The following RAB37 variants were observed in gnomAD, a reference collection of about 807,000 sequenced individuals.
The protein encoded by RAB37 is ras-related protein Rab-37.
RAB37 carries 29 observed loss-of-function variants against 33.1 expected under a neutral mutation model. The observed-to-expected ratio is 0.88, with a 90% CI of 0.65 to 1.20. RAB37 has a LOEUF of 1.20. RAB37 is among the 50% of genes most tolerant of loss of function. The pLI is 0.00. For synonymous variants in RAB37, 128 were observed against 119.5 expected (o/e 1.07, Z -0.47); for missense variants, 299 against 301.1 (o/e 0.99, Z 0.05).
intron 1 of RAB37, among the ~76,000 whole-genome samples, chr17:74,706,807 G>A (rs1394467832): frequency 6.6e-6 from 1 of 152,216 alleles, no homozygotes; most frequent in Non-Finnish European, 1.5e-5. Context: ...GGGTATCCAT[G>A]CGAAGGCACA....
chr17:74,676,296 G>A lies in RAB37; in HGVS notation c.72+4638G>A, dbSNP rs1389057496. Among the ~76,000 whole-genome samples, 1 of 152,092 alleles carries A rather than the reference G, an allele frequency of 6.6e-6. No individual in the cohort carries two copies. Among genetic ancestry groups the A allele is most frequent in the Non-Finnish European group, 1.5e-5 (1 of 68,018 alleles). ...CACATACCAGACTAGCTTCCAGAGG[G>A]ACGAACAATTCCTAGGACAAAGTCA... On this transcript the variant is annotated intron_variant, in intron 1 of 7. Coordinates refer to the RAB37 transcript ENST00000340415. This position sits in a 1 kb window ranked among gnomAD's most constrained non-coding sequence, Gnocchi z 4.1.
At chr17:74,697,723 G>A (rs527776547) in intron 1 of RAB37, among the ~76,000 whole-genome samples, 20 of 152,268 alleles carry the variant, frequency 1.3e-4, no homozygotes, top group East Asian at 5.8e-4. Context: ...AGACTCCTGC[G>A]CCAAGAGGCT....
In RAB37 at chr17:74,704,327, C is replaced by T. The variant is rs1356524496; in HGVS notation, c.73-24929C>T. On this transcript the variant is annotated intron_variant, in intron 1 of 7. Transcript: ENST00000340415. ...GGGGGCATTGAAGAGAGGCCCTGCT[C>T]CCCCAGTCCCAGGTGGTCAGTCAGG... The T allele has an allele frequency of 4.7e-6, 3 of 632,552 alleles. No individual in the cohort carries two copies. The South Asian group carries it at 5.9e-5, about 12-fold the overall frequency. 39.2% of individuals were successfully genotyped at this position (632,552 alleles called of 1,614,324 possible).
chr17:74,737,277 C>T lies in RAB37; in HGVS notation c.5C>T (p.Thr2Met), dbSNP rs1457709398. 3.2e-6 allele frequency: 5 copies of T among 1,565,018 alleles called. No individual in the cohort carries two copies. Among genetic ancestry groups the T allele is most frequent in the East Asian group, 2.3e-5 (1 of 43,536 alleles). ...GCTCACCTCTCGTCCAGGGACATGACGGGCACGCCAGGCGCCGTTGCCACC... is the reference window on the plus strand; with the variant it reads ...GCTCACCTCTCGTCCAGGGACATGATGGGCACGCCAGGCGCCGTTGCCACC... Reference protein sequence around the residue: MTGTPGAVATRD... With the variant: MMGTPGAVATRD... Residue 2 changes from threonine (T) to methionine (M), a missense_variant, in exon 1 of 9, where the codon ACG becomes ATG. By Grantham distance (81) the Thr-to-Met change is moderately conservative. Transcript: ENST00000392613.
In RAB37 at chr17:74,713,044, G is replaced by T. The variant is rs147198749; in HGVS notation, c.73-16212G>T. ...GTGGTTGGTTGGGCACCGTGGCTCAGGCCTGTAATCCTGGCACTTTGGGAG... is the reference window on the plus strand; with the variant it reads ...GTGGTTGGTTGGGCACCGTGGCTCATGCCTGTAATCCTGGCACTTTGGGAG... On this transcript the variant is annotated intron_variant, in intron 1 of 7. Transcript: ENST00000340415. 231 of 627,506 alleles carry T rather than the reference G, an allele frequency of 3.7e-4. 1 individual carries two copies. The African/African-American group carries it at 3.8e-3, about 10-fold the overall frequency. The allele number at this position is 627,506 out of a possible 1,614,324, so 38.9% of individuals were successfully genotyped here. A position where few individuals can be genotyped will look rare whatever the true frequency, so the allele number is the denominator to read the frequency against.
At chr17:74,675,481 A>C (rs16978165) in intron 1 of RAB37, among the ~76,000 whole-genome samples, 8,658 of 152,162 alleles carry the variant, frequency 0.057, 281 homozygotes, top group South Asian at 0.084. Context: ...TTGGGCTCCA[A>C]AGCAGCTTCA....
chr17:74,722,332 T>C (rs1770764385), intron 1 of RAB37, among the ~76,000 whole-genome samples: 1 of 150,974 alleles, frequency 6.6e-6, no homozygotes, highest in Admixed American at 6.6e-5. Flanking sequence ...AGAAATTGGC[T>C]TACATGACTG....
At chr17:74,705,589 CT>C (rs1022549166) in intron 1 of RAB37, among the ~76,000 whole-genome samples, 1 of 151,122 alleles carries the variant, frequency 6.6e-6, no homozygotes, top group African/African-American at 2.4e-5. Flanking sequence ...TTCTTTTTCT[CT>C]TTTTTTCTTT....
chr17:74,743,561 C>T (rs916500609), intron 5 of RAB37, among the ~76,000 whole-genome samples: 4 of 152,236 alleles, frequency 2.6e-5, no homozygotes, highest in African/African-American at 7.2e-5. Flanking sequence ...GTGCCACCTG[C>T]ATAGCCCTCA....
intron 1 of RAB37, among the ~76,000 whole-genome samples, chr17:74,721,855 TG>T (rs1398500887): frequency 3.3e-5 from 5 of 152,136 alleles, no homozygotes; most frequent in Admixed American, 6.5e-5. Flanking sequence ...CCACTAATAG[TG>T]TATGTATGAG....
At chr17:74,677,402 T>C (rs1449521413) in intron 1 of RAB37, 1 of 152,204 alleles carries the variant, frequency 6.6e-6, no homozygotes, top group East Asian at 1.9e-4. Flanking sequence ...TTCTTTTATT[T>C]TTTTTTCGAT....
intron 1 of RAB37, among the ~76,000 whole-genome samples, chr17:74,673,475 T>G (rs1433716360): frequency 1.3e-5 from 2 of 150,924 alleles, no homozygotes; most frequent in Non-Finnish European, 2.9e-5. Context: ...TACAAAATTT[T>G]CCTGGCAACT....
Position 74,729,184 on chromosome 17 carries a change from C to A in RAB37, c.73-72C>A. The A allele has an allele frequency of 9.6e-7, 1 of 1,042,050 alleles. No homozygotes were observed. Among genetic ancestry groups the A allele is most frequent in the Non-Finnish European group, 1.5e-6 (1 of 658,564 alleles). 64.6% of individuals were successfully genotyped at this position (1,042,050 alleles called of 1,614,324 possible). On this transcript the variant is annotated intron_variant, in intron 1 of 7. Transcript: ENST00000340415. This position sits in a 1 kb window ranked among gnomAD's most constrained non-coding sequence, Gnocchi z 4.2. Reference sequence around the variant, plus strand: ...CGTGCTTAGAAAGAATCCACTCCCACAGCCACAAGGACACCTCTGAGGCCA... The same window carrying A: ...CGTGCTTAGAAAGAATCCACTCCCAAAGCCACAAGGACACCTCTGAGGCCA...
rs1160533812 is a variant in RAB37, at chr17:74,744,923, G to T, written c.483G>T (p.Leu161Phe). 6.2e-7 allele frequency: 1 copy of T among 1,614,288 alleles called. No homozygotes were observed. The highest frequency in any genetic ancestry group is 8.5e-7 in the Non-Finnish European group (1 of 1,180,046). ...TCCGTTCCGAAGACGGAGAGACCTT[G>T]GCCAGGGTAAGTGATTGTCTGTGGG... ...RVIRSEDGET[L>F]AREYGVPFLE... Residue 161 changes from leucine (L) to phenylalanine (F), a missense_variant, in exon 7 of 9, where the codon TTG (leucine) becomes TTT (phenylalanine). Transcript: ENST00000392613. The surrounding 1 kb of genome is among the most constrained non-coding windows in gnomAD (Gnocchi z 4.2).
chr17:74,709,065 A>C (rs946289588), intron 1 of RAB37, among the ~76,000 whole-genome samples: 3 of 151,174 alleles, frequency 2.0e-5, no homozygotes, highest in African/African-American at 7.3e-5. Flanking sequence ...TCTACTAAAA[A>C]TTCAAAAAAT....
rs184666451 is a variant in RAB37, at chr17:74,730,020, C to T, written c.183+654C>T. Reference sequence around the variant, plus strand: ...TCGGGTTAAGGAAGCCCAGTGCCCTCGGCTTTTTCTGCCCGCAGCCCCTCT... The same window carrying T: ...TCGGGTTAAGGAAGCCCAGTGCCCTTGGCTTTTTCTGCCCGCAGCCCCTCT... On this transcript the variant is annotated intron_variant, in intron 2 of 7. Transcript: ENST00000340415. The surrounding 1 kb of genome is among the most constrained non-coding windows in gnomAD (Gnocchi z 4.4). Among the ~76,000 whole-genome samples, 6 of 152,266 alleles carry T rather than the reference C, an allele frequency of 3.9e-5. No individual in the cohort carries two copies. The highest frequency in any genetic ancestry group is 4.1e-4 in the South Asian group (2 of 4,822).
At chr17:74,715,299 G>C (rs1484317463) in intron 1 of RAB37, among the ~76,000 whole-genome samples, 5 of 152,298 alleles carry the variant, frequency 3.3e-5, no homozygotes, top group Non-Finnish European at 5.9e-5. Context: ...TGTGCAGAGG[G>C]TTATTTGCAC....
At position 74,723,173 on chromosome 17, in the gene RAB37, T is replaced by C. The variant is rs183841170; in HGVS notation, c.73-6083T>C. 7.2e-5 allele frequency among the ~76,000 whole-genome samples: 11 copies of C among 152,294 alleles called. No individual in the cohort carries two copies. In the East Asian group the frequency reaches 9.6e-4, roughly 13 times the overall value. On this transcript the variant is annotated intron_variant, in intron 1 of 7. Coordinates refer to the RAB37 transcript ENST00000340415. ...ATCCACTTAACAGATTATAGCAGTG[T>C]ATAACAGGAGAAAATACTCGATGGA...
In RAB37 at chr17:74,744,368, A is replaced by G. The variant is rs1479157700; in HGVS notation, c.427A>G (p.Asn143Asp). Residue 143 changes from asparagine to aspartate, a missense_variant, in exon 6 of 9, where the codon AAC (asparagine) becomes GAC (aspartate). By Grantham distance (23) the Asn-to-Asp change is conservative. Coordinates refer to ENST00000392613, the MANE Select transcript of RAB37 (RefSeq NM_001006638.3). This position sits in a 1 kb window ranked among gnomAD's most constrained non-coding sequence, Gnocchi z 4.2. ...GGACGTGGTGATCATGCTGCTAGGCAACAAGGTGAGTGGCTCCGGGGCAGG... is the reference window on the plus strand; with the variant it reads ...GGACGTGGTGATCATGCTGCTAGGCGACAAGGTGAGTGGCTCCGGGGCAGG... The part of the protein sequence containing the change: ...QRDVVIMLLG[N>D]KADMSSERVI... The G allele has an allele frequency of 6.2e-7, 1 of 1,613,958 alleles. No homozygotes were observed. The highest frequency in any genetic ancestry group is 8.5e-7 in the Non-Finnish European group (1 of 1,179,998).
Sources: gnomAD v4.1 joint callset for allele counts (sites outside exome capture counted in the v4.1 genomes callset) on GRCh38, gnomAD v4.1.1 for gene constraint, Gnocchi (gnomAD v3.1) non-coding constraint, MANE v1.5 for transcripts, NCBI Gene and HGNC (gene_info 2026-07-23, HGNC 2026-07-21) for gene names.